KLRG1: variants seen among roughly 807,000 people sequenced by gnomAD.
KLRG1 encodes the protein killer cell lectin-like receptor subfamily G member 1.
KLRG1 carries 16 observed loss-of-function variants against 21.8 expected under a neutral mutation model. The ratio of observed to expected loss-of-function variants is 0.73; its 90% CI spans 0.50 to 1.11. The LOEUF is 1.11. Ranked by LOEUF, KLRG1 falls within the 50% of genes most tolerant of loss-of-function variation. The pLI, the probability that KLRG1 is intolerant of heterozygous loss-of-function variation, is 0.00. For missense variants in KLRG1, 173 were observed against 218.3 expected, an observed-to-expected ratio of 0.79 and a Z score of 1.31; for synonymous variants, 69 against 75.9, an observed-to-expected ratio of 0.91 and a Z score of 0.47.
At chr12:9,184,174 G>A in the KLRG1 span, among the ~76,000 whole-genome samples, 4 of 152,130 alleles carry the variant, frequency 2.6e-5, no homozygotes, top group Admixed American at 6.5e-5. Context: ...TGCTGGCAGC[G>A]TGAGTGTCCT....
At chr12:8,965,704 A>C (rs1239540644) in intron 1 of KLRG1, among the ~76,000 whole-genome samples, 2 of 152,246 alleles carry the variant, frequency 1.3e-5, no homozygotes, top group East Asian at 3.8e-4. Context: ...AAAGAAATGG[A>C]AGAACATTCC....
chr12:9,201,034 T>C, the KLRG1 span: 1 of 1,614,070 alleles, frequency 6.2e-7, no homozygotes, highest in African/African-American at 1.3e-5. Context: ...GACTCTGCCA[T>C]TGTGCAATTC....
chr12:9,138,593 G>A, the KLRG1 span, among the ~76,000 whole-genome samples: 2 of 151,830 alleles, frequency 1.3e-5, no homozygotes, highest in African/African-American at 2.4e-5. Flanking sequence ...TTAAAAAAAT[G>A]TGTATTAGAA....
At chr12:9,070,913 T>C in the KLRG1 span, among the ~76,000 whole-genome samples, 2 of 151,978 alleles carry the variant, frequency 1.3e-5, no homozygotes, top group Admixed American at 1.3e-4. Context: ...CTCCGCCTCC[T>C]GGGTTCAAGT....
At chr12:8,959,164 C>T (rs1288299001) in intron 1 of KLRG1, among the ~76,000 whole-genome samples, 1 of 152,110 alleles carries the variant, frequency 6.6e-6, no homozygotes, top group Non-Finnish European at 1.5e-5. Flanking sequence ...TTGAACTTTG[C>T]TGAAGAATAG....
the KLRG1 span, chr12:9,079,884 A>C: frequency 1.5e-6 from 2 of 1,377,652 alleles, no homozygotes; most frequent in Non-Finnish European, 1.9e-6. Context: ...ATTAAGCAGA[A>C]ATAATTAGTT....
At chr12:9,160,336 C>T in the KLRG1 span, 8 of 1,613,482 alleles carry the variant, frequency 5.0e-6, no homozygotes, top group Admixed American at 1.7e-5. Context: ...AGCCAACGGC[C>T]TTGGCCTTGA....
chr12:9,204,085 T>G, the KLRG1 span: 187 of 913,556 alleles, frequency 2.0e-4, 1 homozygote, highest in African/African-American at 2.5e-3. Flanking sequence ...ACTAAGTCAA[T>G]GGAGGTTCTG....
chr12:9,130,812 A>T, the KLRG1 span, among the ~76,000 whole-genome samples: 1 of 151,410 alleles, frequency 6.6e-6, no homozygotes, highest in Non-Finnish European at 1.5e-5. Context: ...ATGTAGTCCC[A>T]TTTATCTTTT....
At chr12:9,127,960 T>C in the KLRG1 span, 4 of 322,940 alleles carry the variant, frequency 1.2e-5, no homozygotes, top group Admixed American at 3.4e-5. Flanking sequence ...GTCTTGCAGA[T>C]TGACACCCGC....
the KLRG1 span, among the ~76,000 whole-genome samples, chr12:9,171,491 G>A: frequency 6.6e-6 from 1 of 152,224 alleles, no homozygotes; most frequent in African/African-American, 2.4e-5. Context: ...CAAGGGCACA[G>A]AACCGGGCTG....
chr12:9,109,083 T>C, the KLRG1 span, among the ~76,000 whole-genome samples: 1 of 152,104 alleles, frequency 6.6e-6, no homozygotes, highest in Non-Finnish European at 1.5e-5. Context: ...TCAATCCTAT[T>C]AGCATAACCT....
the KLRG1 span, among the ~76,000 whole-genome samples, chr12:9,201,930 A>G: frequency 6.6e-6 from 1 of 152,120 alleles, no homozygotes; most frequent in African/African-American, 2.4e-5. Context: ...TCGAATATAT[A>G]ATAAAATTAT....
the KLRG1 span, among the ~76,000 whole-genome samples, chr12:9,115,590 GA>G: frequency 1.3e-5 from 2 of 152,126 alleles, no homozygotes; most frequent in Non-Finnish European, 2.9e-5. Context: ...AGTTGGGGAA[GA>G]ATGATTAAAA....
the KLRG1 span, chr12:9,162,622 A>T: frequency 6.3e-7 from 1 of 1,597,012 alleles, no homozygotes; most frequent in South Asian, 1.1e-5. Flanking sequence ...TAGAACTGAA[A>T]GTCTTTTCTT....
At chr12:9,187,036 A>G in the KLRG1 span, among the ~76,000 whole-genome samples, 2 of 151,264 alleles carry the variant, frequency 1.3e-5, no homozygotes, top group Non-Finnish European at 2.9e-5. Flanking sequence ...AGGGGTTGCA[A>G]TACTAATTTC....
At chr12:9,002,910 TACACACAC>T (rs59706974) in intron 3 of KLRG1, among the ~76,000 whole-genome samples, 32 of 144,722 alleles carry the variant, frequency 2.2e-4, no homozygotes, top group Middle Eastern at 6.8e-3. Context: ...CTCTTTCTAA[TACACACAC>T]ACACACACAC....
the KLRG1 span, chr12:9,194,185 G>A: frequency 2.4e-4 from 385 of 1,613,966 alleles, no homozygotes; most frequent in Admixed American, 4.0e-4. Context: ...CATTCACAGA[G>A]ATGAAGAAGA....
chr12:9,095,000 G>C, the KLRG1 span: 1 of 1,583,002 alleles, frequency 6.3e-7, no homozygotes, highest in East Asian at 2.3e-5. Flanking sequence ...AGACCTTCAG[G>C]TCCATGCATT....
Sources: allele counts gnomAD v4.1 joint callset (sites outside exome capture counted in the v4.1 genomes callset), GRCh38; gene constraint gnomAD v4.1.1; transcripts MANE v1.5; gene names NCBI Gene and HGNC (gene_info 2026-07-23, HGNC 2026-07-21).